Variants in AEBP2 observed in about 807,000 individuals in gnomAD.
The protein encoded by AEBP2 is zinc finger protein AEBP2.
A neutral mutation model predicts 50.8 loss-of-function variants in AEBP2; 10 were observed. That is an observed-to-expected ratio of 0.20 (90% CI 0.12 to 0.33). The LOEUF is 0.33. AEBP2 is among the 10% of genes least tolerant of loss of function. The probability of loss-of-function intolerance (pLI) is 1.00; values close to 1 mark genes in which losing one functional copy is unlikely to be tolerated. For synonymous variants in AEBP2, 296 were observed against 261.3 expected (o/e 1.13, Z -1.28); for missense variants, 570 against 688.0 (o/e 0.83, Z 1.92).
intron 5 of AEBP2, among the ~76,000 whole-genome samples, chr12:19,510,882 T>TTTTTTTTTTTA (rs1949222806): frequency 2.7e-5 from 4 of 148,320 alleles, no homozygotes; most frequent in African/African-American, 5.0e-5. Flanking sequence ...TTTTTTTTTT[T>TTTTTTTTTTTA]GAGGTGGGGC....
At position 19,462,733 on chromosome 12, in the gene AEBP2, T is replaced by G. The variant is rs1469598211; in HGVS notation, c.879+16T>G. The G allele has an allele frequency of 1.3e-6, 2 of 1,570,744 alleles. No homozygotes were observed. The highest frequency in any genetic ancestry group is 2.3e-5 in the East Asian group (1 of 44,234). On this transcript the variant is annotated intron_variant, in intron 2 of 7. Coordinates refer to ENST00000266508, the MANE Select transcript of AEBP2 (RefSeq NM_153207.5). ...GCGAGGAGGGGTTGGTTTTGTCATT[T>G]CTTTTTTTCGCTCCCTGTTTTCGTT... is the stretch of plus-strand genomic sequence containing the variant.
intron 1 of AEBP2, among the ~76,000 whole-genome samples, chr12:19,429,662 T>C (rs1447278968): frequency 2.6e-5 from 4 of 152,236 alleles, no homozygotes; most frequent in Non-Finnish European, 4.4e-5. Context: ...TTTTGAATGA[T>C]TGCCATTCTA....
intron 1 of AEBP2, among the ~76,000 whole-genome samples, chr12:19,405,783 C>A (rs796299407): frequency 6.6e-5 from 10 of 152,170 alleles, no homozygotes; most frequent in African/African-American, 2.2e-4. Context: ...TTATTAAAAT[C>A]AATGAACCTA....
At chr12:19,516,062 C>CTG (rs1565740479) in intron 7 of AEBP2, among the ~76,000 whole-genome samples, 1 of 152,138 alleles carries the variant, frequency 6.6e-6, no homozygotes, top group African/African-American at 2.4e-5. Flanking sequence ...TCCAGCCTGG[C>CTG]TGACAGAGCG....
chr12:19,490,864 T>A (rs943575797), intron 3 of AEBP2, among the ~76,000 whole-genome samples: 26 of 152,176 alleles, frequency 1.7e-4, no homozygotes, highest in Admixed American at 1.6e-3. Context: ...AATAAAAAAA[T>A]GGAAATAGTG....
At chr12:19,455,700 T>C (rs1948258180) in intron 1 of AEBP2, among the ~76,000 whole-genome samples, 1 of 152,220 alleles carries the variant, frequency 6.6e-6, no homozygotes, top group South Asian at 2.1e-4. Flanking sequence ...TTGATCGCTC[T>C]AGCTGTTGGG....
At position 19,440,352 on chromosome 12, in the gene AEBP2, G is replaced by A. The variant is rs1947929649; in HGVS notation, c.653G>A (p.Arg218His). The A allele has an allele frequency of 6.8e-7, 1 of 1,468,084 alleles. No homozygotes were observed. The highest frequency in any genetic ancestry group is 9.0e-7 in the Non-Finnish European group (1 of 1,117,198). 90.9% of individuals were successfully genotyped at this position (1,468,084 alleles called of 1,614,324 possible). ...EMSSDGEPLS[R>H]MDSEDSISST... is the part of the protein sequence containing the mutation. ...TCGTCGGATGGGGAACCCCTGAGCC[G>A]CATGGACTCGGAGGACAGGTCAGTG... Residue 218 changes from arginine (R) to histidine (H), a missense_variant, in exon 1 of 8, where the codon CGC becomes CAC. By Grantham distance (29) the Arg-to-His change is conservative. This residue lies in a region of AEBP2 where 386 missense variants were observed against 336.8 expected (regional missense o/e 1.15). Transcript: ENST00000266508.
intron 1 of AEBP2, among the ~76,000 whole-genome samples, chr12:19,410,825 C>T (rs553834106): frequency 4.3e-4 from 66 of 152,238 alleles, no homozygotes; most frequent in Non-Finnish European, 8.1e-4. Flanking sequence ...TTTGTAAGAC[C>T]GTTTAATGCT....
intron 4 of AEBP2, among the ~76,000 whole-genome samples, chr12:19,497,483 GT>G (rs982423089): frequency 2.0e-5 from 3 of 150,900 alleles, no homozygotes; most frequent in Non-Finnish European, 3.0e-5. Context: ...TTTGTTTTTT[GT>G]TTTTTTGAGA....
At chr12:19,466,967 C>T (rs1342434504) in intron 2 of AEBP2, 2 of 255,390 alleles carry the variant, frequency 7.8e-6, no homozygotes, top group African/African-American at 4.6e-5. Flanking sequence ...TGTTTTTTTC[C>T]CCCTTTTAAG....
chr12:19,443,461 G>A (rs1246364437), intron 1 of AEBP2, among the ~76,000 whole-genome samples: 1 of 149,744 alleles, frequency 6.7e-6, no homozygotes, highest in East Asian at 2.1e-4. Context: ...GCTCACCCCT[G>A]TAATCCCAGC....
chr12:19,488,761 T>C (rs997341498), intron 3 of AEBP2, among the ~76,000 whole-genome samples: 7 of 152,128 alleles, frequency 4.6e-5, no homozygotes, highest in Non-Finnish European at 1.0e-4. Flanking sequence ...TAATTCTGTG[T>C]TTCAAATTTT....
rs1948931151 is a variant in AEBP2 at position 19,493,925 on chromosome 12, T to C, written c.1113T>C (p.Ser371=). The C allele has an allele frequency of 1.9e-6, 3 of 1,613,312 alleles. No homozygotes were observed. Among genetic ancestry groups the C allele is most frequent in the Non-Finnish European group, 2.5e-6 (3 of 1,179,670 alleles). ...VSSQPKAKEE[S]PSKAGMNKRR... The stretch of plus-strand genomic sequence containing the variant: ...GCCAGCCAAAGGCCAAAGAAGAATC[T>C]CCTTCTAAAGCTGGAATGAACAAAA... Residue 371 remains serine (S), a synonymous_variant, in exon 4 of 8, where the codon TCT becomes TCC. Transcript: ENST00000266508.
At chr12:19,484,468 A>G (rs544735390) in intron 3 of AEBP2, among the ~76,000 whole-genome samples, 3 of 150,222 alleles carry the variant, frequency 2.0e-5, no homozygotes, top group South Asian at 2.1e-4. Context: ...TCCGCTTCCC[A>G]TGTTCAAGTG....
At chr12:19,484,475 A>G (rs925737257) in intron 3 of AEBP2, among the ~76,000 whole-genome samples, 2 of 151,538 alleles carry the variant, frequency 1.3e-5, no homozygotes, top group African/African-American at 4.9e-5. Flanking sequence ...CCCATGTTCA[A>G]GTGATTCTCC....
At chr12:19,404,471 C>G (rs2095735012) in intron 1 of AEBP2, among the ~76,000 whole-genome samples, 1 of 152,200 alleles carries the variant, frequency 6.6e-6, no homozygotes, top group Non-Finnish European at 1.5e-5. Context: ...GTGCTACCCA[C>G]TGCTTCTTTC....
intron 1 of AEBP2, among the ~76,000 whole-genome samples, chr12:19,410,178 C>T (rs1349775404): frequency 5.3e-5 from 8 of 152,140 alleles, no homozygotes; most frequent in Non-Finnish European, 8.8e-5. Flanking sequence ...TCTCATCCCC[C>T]GCTATGGTTG....
At chr12:19,498,352 T>C (rs1949018047) in intron 4 of AEBP2, among the ~76,000 whole-genome samples, 1 of 152,212 alleles carries the variant, frequency 6.6e-6, no homozygotes, top group East Asian at 1.9e-4. Flanking sequence ...GTCACTGCCT[T>C]CTTAGTCTTT....
At chr12:19,496,901 A>T (rs1315206124) in intron 4 of AEBP2, among the ~76,000 whole-genome samples, 6 of 151,666 alleles carry the variant, frequency 4.0e-5, no homozygotes, top group African/African-American at 1.4e-4. Flanking sequence ...CTTGAGCTCA[A>T]ATGGTCCACC....
Sources: gnomAD v4.1 joint callset for allele counts (sites outside exome capture counted in the v4.1 genomes callset) on GRCh38, gnomAD v4.1.1 for gene constraint, gnomAD v4.1.1 regional missense constraint, MANE v1.5 for transcripts, NCBI Gene and HGNC (gene_info 2026-07-23, HGNC 2026-07-21) for gene names.